The following LRRK2 variants were observed in gnomAD, a reference collection of about 807,000 sequenced individuals.
The protein encoded by LRRK2 is leucine-rich repeat serine/threonine-protein kinase 2.
A neutral mutation model predicts 302.6 loss-of-function variants in LRRK2; 203 were observed. That is an observed-to-expected ratio of 0.67 (90% CI 0.60 to 0.75). The LOEUF is 0.75. Among genes scored for constraint, LRRK2 ranks in the 30% least tolerant of loss-of-function variants. The probability of loss-of-function intolerance (pLI) is 0.00; values close to 1 mark genes in which losing one functional copy is unlikely to be tolerated. For synonymous variants in LRRK2, 1,066 were observed against 1,031.9 expected, an observed-to-expected ratio of 1.03 and a Z score of -0.63; for missense variants, 2,830 against 2,951.0, an observed-to-expected ratio of 0.96 and a Z score of 0.95.
chr12:40,271,657 G>A (rs973454770), intron 14 of LRRK2, among the ~76,000 whole-genome samples: 2 of 151,930 alleles, frequency 1.3e-5, no homozygotes, highest in Admixed American at 6.6e-5. Context: ...ATTCTATTGT[G>A]GGCTTGTAAA....
Position 40,367,072 on chromosome 12 carries a change from AG to A in LRRK2, c.7458del (p.Glu2488ArgfsTer6), listed in dbSNP as rs770253952. Reference sequence around the variant, plus strand: ...AAAAATACTGAAGGTACACAAAAGCAGAAAGGTAACATTTAGAAGGATACTG... The same window carrying A: ...AAAAATACTGAAGGTACACAAAAGCAAAAGGTAACATTTAGAAGGATACTG... ...NRKNTEGTQK[Q>X]KEIQSCLTVW... On this transcript the variant is annotated frameshift_variant, in exon 50 of 51. Transcript: ENST00000298910. LOFTEE classifies it high-confidence loss of function. 2.1e-5 allele frequency: 34 copies of A among 1,607,896 alleles called. No homozygotes were observed. Among genetic ancestry groups the A allele is most frequent in the Non-Finnish European group, 2.6e-5 (30 of 1,175,386 alleles).
chr12:40,271,137 A>G (rs1943218056), intron 14 of LRRK2, among the ~76,000 whole-genome samples: 1 of 152,052 alleles, frequency 6.6e-6, no homozygotes, highest in Admixed American at 6.6e-5. Flanking sequence ...TATCAGTCAT[A>G]TGATGTTGGA....
intron 46 of LRRK2, among the ~76,000 whole-genome samples, chr12:40,358,803 T>A (rs1158087116): frequency 6.6e-6 from 1 of 152,180 alleles, no homozygotes; most frequent in African/African-American, 2.4e-5. Flanking sequence ...ATCTGTAGAT[T>A]GCTTTGGGTA....
At chr12:40,329,739 A>T (rs2136919992) in intron 39 of LRRK2, among the ~76,000 whole-genome samples, 1 of 151,732 alleles carries the variant, frequency 6.6e-6, no homozygotes. Flanking sequence ...ACCCTGATTT[A>T]AAAAAAAATT....
intron 7 of LRRK2, among the ~76,000 whole-genome samples, chr12:40,245,830 T>C (rs1484496015): frequency 2.6e-5 from 4 of 152,128 alleles, no homozygotes; most frequent in Non-Finnish European, 5.9e-5. Flanking sequence ...AAACTCTTCG[T>C]TAATTCTGAC....
At chr12:40,327,301 G>A (rs1289614683) in intron 38 of LRRK2, among the ~76,000 whole-genome samples, 3 of 152,048 alleles carry the variant, frequency 2.0e-5, no homozygotes, top group Admixed American at 6.6e-5. Context: ...TGGCTATTGC[G>A]GTTTGTCTAG....
chr12:40,331,603 A>AG (rs1447738818), intron 39 of LRRK2, among the ~76,000 whole-genome samples: 1 of 151,878 alleles, frequency 6.6e-6, no homozygotes, highest in Non-Finnish European at 1.5e-5. Context: ...ATTACAAAAA[A>AG]AAAATCTCAT....
At chr12:40,347,062 T>C (rs966951308) in intron 42 of LRRK2, 139 bp downstream of exon 42, 2 of 702,290 alleles carry the variant, frequency 2.8e-6, no homozygotes, top group African/African-American at 3.6e-5. Flanking sequence ...TCTTAAATCT[T>C]GTGATATATT....
intron 19 of LRRK2, among the ~76,000 whole-genome samples, chr12:40,285,415 C>T (rs1448642861): frequency 6.6e-6 from 1 of 151,924 alleles, no homozygotes; most frequent in South Asian, 2.1e-4. Context: ...TCAATATTGG[C>T]AAAAAATAAA....
In LRRK2 at chr12:40,225,332, C is replaced by G. The variant is rs1351109884; in HGVS notation, c.151+50C>G. The G allele has an allele frequency of 1.9e-6, 3 of 1,601,336 alleles. 1 individual carries two copies. The highest frequency in any genetic ancestry group is 3.4e-4 in the Middle Eastern group (2 of 5,964). On this transcript the variant is annotated intron_variant, in intron 1 of 50. Coordinates refer to ENST00000298910, the MANE Select transcript of LRRK2 (RefSeq NM_198578.4). Reference sequence around the variant, plus strand: ...CTTTTATTTTTGCAAACTTTCTCCCCCTCCTTACATTTGCAAATTTTGTCC... The same window carrying G: ...CTTTTATTTTTGCAAACTTTCTCCCGCTCCTTACATTTGCAAATTTTGTCC...
At position 40,367,916 on chromosome 12, in the gene LRRK2, GT is replaced by G; in HGVS notation, c.*152del. The G allele has an allele frequency of 3.5e-6, 2 of 563,918 alleles. No individual in the cohort carries two copies. Among genetic ancestry groups the G allele is most frequent in the Middle Eastern group, 1.1e-3 (2 of 1,856 alleles). 34.9% of individuals were successfully genotyped at this position (563,918 alleles called of 1,614,324 possible). On this transcript the variant is annotated 3_prime_UTR_variant, in exon 51 of 51. Transcript: ENST00000298910. Reference sequence around the variant, plus strand: ...GTTATTATTTTTAATTTAAATATATGTAAAAATACTTACCAGTAAATGTGTA... The same window carrying G: ...GTTATTATTTTTAATTTAAATATATGAAAAATACTTACCAGTAAATGTGTA...
At chr12:40,227,404 G>T (rs879518813) in intron 2 of LRRK2, among the ~76,000 whole-genome samples, 21 of 151,954 alleles carry the variant, frequency 1.4e-4, no homozygotes, top group Admixed American at 9.8e-4. Context: ...TAACTTAATT[G>T]CTTGTATCTA....
chr12:40,259,345 A>G, intron 12 of LRRK2, 135 bp from the exon 13 acceptor site: 1 of 1,079,354 alleles, frequency 9.3e-7, no homozygotes, highest in Middle Eastern at 2.4e-4. Flanking sequence ...CATACTACTG[A>G]TTTCAAATGC....
At chr12:40,250,080 G>A in intron 8 of LRRK2, 135 bp downstream of exon 8, 1 of 1,092,090 alleles carries the variant, frequency 9.2e-7, no homozygotes, top group Non-Finnish European at 1.3e-6. Flanking sequence ...TTTTCCAGTA[G>A]AGGATACTTT....
chr12:40,284,020 T>G lies in LRRK2; in HGVS notation c.2387T>G (p.Leu796Arg). The change falls in exon 19 of 51, where the codon CTG becomes CGG. Residue 796 changes from leucine (L) to arginine (R), a missense_variant. Transcript: ENST00000298910. ...AGCTTGCTCTTAAGGAGGCTGGCCC[T>G]GGATGTGGCCAACAATAGCATTTGC... ...IISLLLRRLA[L>R]DVANNSICLG... is the part of the protein sequence containing the mutation. 1 of 1,613,968 alleles carries G rather than the reference T, an allele frequency of 6.2e-7. No homozygotes were observed. The highest frequency in any genetic ancestry group is 8.5e-7 in the Non-Finnish European group (1 of 1,179,882).
intron 13 of LRRK2, among the ~76,000 whole-genome samples, chr12:40,260,026 A>G (rs1305654211): frequency 1.3e-5 from 2 of 151,940 alleles, no homozygotes; most frequent in Non-Finnish European, 2.9e-5. Flanking sequence ...ATCTTTCTCC[A>G]ATGTGGCTTG....
At chr12:40,354,613 A>G (rs1946468936) in intron 45 of LRRK2, 121 bp downstream of exon 45, 1 of 924,972 alleles carries the variant, frequency 1.1e-6, no homozygotes, top group South Asian at 1.4e-5. Context: ...ATTGGTTTGC[A>G]TATATTAAAG....
intron 19 of LRRK2, 91 bp from the exon 20 acceptor site, chr12:40,287,260 G>T: frequency 9.2e-7 from 1 of 1,087,592 alleles, no homozygotes; most frequent in Non-Finnish European, 1.4e-6. Context: ...TTCTCCAGAA[G>T]CATAGCAATA....
At chr12:40,265,207 T>C (rs1942955307) in intron 14 of LRRK2, among the ~76,000 whole-genome samples, 2 of 152,148 alleles carry the variant, frequency 1.3e-5, no homozygotes, top group Non-Finnish European at 2.9e-5. Flanking sequence ...AAATATTTGT[T>C]GAAAATAAGT....
Sources: gnomAD v4.1 joint callset for allele counts (sites outside exome capture counted in the v4.1 genomes callset) on GRCh38, gnomAD v4.1.1 for gene constraint, MANE v1.5 for transcripts, NCBI Gene and HGNC (gene_info 2026-07-23, HGNC 2026-07-21) for gene names.